RIMS1: variants seen among roughly 807,000 people sequenced by gnomAD.
The protein encoded by RIMS1 is regulating synaptic membrane exocytosis 1, also known as regulating synaptic membrane exocytosis protein 1.
A neutral mutation model predicts 214.1 loss-of-function variants in RIMS1; 83 were observed. That is an observed-to-expected ratio of 0.39 (90% CI 0.32 to 0.47). The LOEUF is 0.47. Among genes scored for constraint, RIMS1 ranks in the 20% least tolerant of loss-of-function variants. The pLI is 0.99. For synonymous variants in RIMS1, 793 were observed against 786.8 expected, an observed-to-expected ratio of 1.01 and a Z score of -0.13; for missense variants, 2,050 against 2,161.8, an observed-to-expected ratio of 0.95 and a Z score of 1.03.
chr6:72,099,263 G>A (rs958196796), intron 3 of RIMS1, among the ~76,000 whole-genome samples: 4 of 148,764 alleles, frequency 2.7e-5, no homozygotes, highest in Admixed American at 2.0e-4. Context: ...AGGTACTTAC[G>A]CTTTGGAGAG....
At chr6:72,354,338 G>T (rs1350420384) in intron 29 of RIMS1, among the ~76,000 whole-genome samples, 1 of 152,124 alleles carries the variant, frequency 6.6e-6, no homozygotes, top group African/African-American at 2.4e-5. Context: ...TAGCTCTTAA[G>T]CTAGAACTCT....
chr6:72,181,627 CTAATGATA>C (rs2048415151), intron 5 of RIMS1, among the ~76,000 whole-genome samples: 1 of 152,126 alleles, frequency 6.6e-6, no homozygotes, highest in African/African-American at 2.4e-5. Context: ...AATAACTTTA[CTAATGATA>C]TAAATTCACA....
At chr6:72,251,507 C>T in intron 15 of RIMS1, 139 bp downstream of exon 15, 1 of 686,990 alleles carries the variant, frequency 1.5e-6, no homozygotes, top group Non-Finnish European at 2.3e-6. Context: ...TATGAAGCAA[C>T]TTGGCAAAAC....
At chr6:72,354,048 C>T (rs2097549549) in intron 29 of RIMS1, among the ~76,000 whole-genome samples, 1 of 152,118 alleles carries the variant, frequency 6.6e-6, no homozygotes, top group East Asian at 1.9e-4. Context: ...GGTAAAACCC[C>T]GTCTCTACTG....
intron 9 of RIMS1, among the ~76,000 whole-genome samples, chr6:72,239,385 A>C (rs1051184952): frequency 6.6e-6 from 1 of 152,206 alleles, no homozygotes. Context: ...AGCTCAACTT[A>C]AAGAACTATA....
At chr6:71,902,986 A>G (rs1329136327) in intron 1 of RIMS1, among the ~76,000 whole-genome samples, 1 of 152,190 alleles carries the variant, frequency 6.6e-6, no homozygotes, top group African/African-American at 2.4e-5. Context: ...AGCAGTGAAC[A>G]TACATGTGCA....
intron 6 of RIMS1, among the ~76,000 whole-genome samples, chr6:72,187,142 G>T (rs1331993023): frequency 6.6e-6 from 1 of 152,008 alleles, no homozygotes; most frequent in Non-Finnish European, 1.5e-5. Context: ...AAGAGAGAAG[G>T]AGAGGAAGAG....
chr6:72,237,030 C>T lies in RIMS1; in HGVS notation c.1858-793C>T, dbSNP rs534682568. Reference sequence around the variant, plus strand: ...CCTGGTCAACATAGCGAGACCCCTTCTCTACAAAATTAAAATTAAAAAATT... The same window carrying T: ...CCTGGTCAACATAGCGAGACCCCTTTTCTACAAAATTAAAATTAAAAAATT... On this transcript the variant is annotated intron_variant, in intron 8 of 33. Coordinates refer to ENST00000521978, the MANE Select transcript of RIMS1 (RefSeq NM_014989.7). Among the ~76,000 whole-genome samples the T allele has an allele frequency of 7.2e-5, 11 of 152,104 alleles. No homozygotes were observed. In the South Asian group the frequency reaches 2.3e-3, roughly 32 times the overall value.
At chr6:72,292,830 G>A (rs79869209) in intron 26 of RIMS1, among the ~76,000 whole-genome samples, 1,697 of 152,102 alleles carry the variant, frequency 0.011, 10 homozygotes, top group Non-Finnish European at 0.017. Context: ...CTTTGGGATT[G>A]TAATATAAAT....
chr6:72,182,347 C>G lies in RIMS1; in HGVS notation c.876C>G (p.Arg292=), dbSNP rs776775023. Residue 292 remains arginine (R), a synonymous_variant, in exon 6 of 34, where the codon CGC becomes CGG. Coordinates refer to ENST00000521978, the MANE Select transcript of RIMS1 (RefSeq NM_014989.7). ...GKGALKSERK[R]VPKTSAQPVE... ...GAGCCCTGAAGAGCGAGCGGAAACG[C>G]GTGCCAAAGACCTCAGCGCAGCCCG... is the stretch of plus-strand genomic sequence containing the variant. 1.9e-5 allele frequency: 30 copies of G among 1,612,978 alleles called. No individual in the cohort carries two copies. Among genetic ancestry groups the G allele is most frequent in the Middle Eastern group, 1.7e-4 (1 of 6,040 alleles).
At position 72,264,951 on chromosome 6, in the gene RIMS1, C is replaced by T. The variant is rs553830581; in HGVS notation, c.3117-24C>T. The T allele has an allele frequency of 4.0e-6, 6 of 1,491,884 alleles. No homozygotes were observed. In the South Asian group the frequency reaches 4.9e-5, roughly 12 times the overall value. 92.4% of individuals were successfully genotyped at this position (1,491,884 alleles called of 1,614,324 possible). On this transcript the variant is annotated intron_variant, in intron 19 of 33. Coordinates refer to ENST00000521978, the MANE Select transcript of RIMS1 (RefSeq NM_014989.7). ...TTCATATATATTTTTCTGTTTCCTG[C>T]GTGTTTGTGTTGCTACGTTCCAGAC... is the stretch of plus-strand genomic sequence containing the variant.
intron 1 of RIMS1, among the ~76,000 whole-genome samples, chr6:71,889,449 T>G (rs1460917257): frequency 6.6e-6 from 1 of 152,228 alleles, no homozygotes; most frequent in Non-Finnish European, 1.5e-5. Context: ...GTTGCATGGA[T>G]TCACAAAATA....
Position 72,019,827 on chromosome 6 carries a change from GT to G in RIMS1, c.245+50771del, listed in dbSNP as rs992084243. Among the ~76,000 whole-genome samples, 5 of 152,056 alleles carry G rather than the reference GT, an allele frequency of 3.3e-5. No individual in the cohort carries two copies. The East Asian group carries it at 7.7e-4, about 23-fold the overall frequency. On this transcript the variant is annotated intron_variant, in intron 2 of 33. Coordinates refer to ENST00000521978, the MANE Select transcript of RIMS1 (RefSeq NM_014989.7). ...AGTTTTTGAAGTCTGGTTAATTGTA[GT>G]TTTTTTCCCCACATAGGCATGTGAA...
chr6:72,168,023 G>C (rs888006283), intron 4 of RIMS1, among the ~76,000 whole-genome samples: 3 of 151,864 alleles, frequency 2.0e-5, no homozygotes, highest in Non-Finnish European at 4.4e-5. Flanking sequence ...ATAATTTATT[G>C]CAGGAGCAAT....
chr6:72,194,575 A>G (rs914553929), intron 6 of RIMS1, among the ~76,000 whole-genome samples: 6 of 152,210 alleles, frequency 3.9e-5, no homozygotes, highest in Admixed American at 2.0e-4. Flanking sequence ...ACAATAAAAT[A>G]CAACTTGATA....
intron 6 of RIMS1, among the ~76,000 whole-genome samples, chr6:72,228,969 G>A (rs1007991120): frequency 6.6e-6 from 1 of 151,714 alleles, no homozygotes; most frequent in African/African-American, 2.4e-5. Context: ...TTTCTAACAT[G>A]CATTTAGAAA....
chr6:72,341,285 GC>G (rs2097081965), intron 29 of RIMS1, among the ~76,000 whole-genome samples: 1 of 151,850 alleles, frequency 6.6e-6, no homozygotes, highest in African/African-American at 2.4e-5. Context: ...CCCTTCTCCT[GC>G]CTGATTGCCC....
intron 4 of RIMS1, among the ~76,000 whole-genome samples, chr6:72,119,044 G>A (rs914543752): frequency 2.6e-5 from 4 of 151,674 alleles, no homozygotes; most frequent in African/African-American, 7.2e-5. Flanking sequence ...GTTGCTGTTC[G>A]CCAATGATAT....
intron 29 of RIMS1, chr6:72,365,923 T>A (rs1383670854): frequency 6.6e-6 from 1 of 152,198 alleles, no homozygotes; most frequent in East Asian, 1.9e-4. Context: ...TTTGGTTGTG[T>A]TTTGGAGGGT....
Sources: allele counts gnomAD v4.1 joint callset (sites outside exome capture counted in the v4.1 genomes callset), GRCh38; gene constraint gnomAD v4.1.1; transcripts MANE v1.5; gene names NCBI Gene and HGNC (gene_info 2026-07-23, HGNC 2026-07-21).